COL9A1: variants seen among roughly 807,000 people sequenced by gnomAD.
COL9A1 encodes the protein collagen alpha-1(IX) chain.
Under a neutral mutation model 142.6 loss-of-function variants are expected in COL9A1, and 104 were observed. That is an observed-to-expected ratio of 0.73 (90% CI 0.62 to 0.86). The LOEUF is 0.86. COL9A1 is among the 40% of genes least tolerant of loss of function. COL9A1 has a pLI of 0.00. For missense variants in COL9A1, 1,210 were observed against 1,176.6 expected, an observed-to-expected ratio of 1.03 and a Z score of -0.42; for synonymous variants, 466 against 396.0, an observed-to-expected ratio of 1.18 and a Z score of -2.10.
At position 70,216,677 on chromosome 6, in the gene COL9A1, C is replaced by T. The variant is rs1403376889; in HGVS notation, c.*220G>A. On this transcript the variant is annotated 3_prime_UTR_variant, in exon 38 of 38. Transcript: ENST00000357250. The stretch of plus-strand genomic sequence containing the variant: ...TTCTTTTTTTTTTTTTAACTGATGA[C>T]TCTGCTGTCTTCCCTCCAAGGGAAA... 6 of 547,800 alleles carry T rather than the reference C, an allele frequency of 1.1e-5. No homozygotes were observed. The highest frequency in any genetic ancestry group is 5.9e-5 in the African/African-American group (3 of 50,920). The allele number at this position is 547,800 out of a possible 1,614,324, so 33.9% of individuals were successfully genotyped here.
At chr6:70,277,836 G>A (rs1772869545) in intron 10 of COL9A1, among the ~76,000 whole-genome samples, 1 of 152,148 alleles carries the variant, frequency 6.6e-6, no homozygotes, top group South Asian at 2.1e-4. Flanking sequence ...GACCCAAAGA[G>A]CAGAAGACGA....
At chr6:70,217,335 G>C (rs984911855) in intron 37 of COL9A1, among the ~76,000 whole-genome samples, 3 of 152,156 alleles carry the variant, frequency 2.0e-5, no homozygotes, top group Non-Finnish European at 4.4e-5. Context: ...CATCAGTAGA[G>C]CTGCACCGTG....
intron 28 of COL9A1, among the ~76,000 whole-genome samples, chr6:70,247,941 G>A (rs1175209412): frequency 6.6e-6 from 1 of 152,208 alleles, no homozygotes; most frequent in African/African-American, 2.4e-5. Flanking sequence ...CTCTGTCATT[G>A]AGGCTGTTGG....
chr6:70,234,820 C>A lies in COL9A1; in HGVS notation c.2233G>T (p.Gly745Cys). The A allele has an allele frequency of 1.2e-6, 2 of 1,614,044 alleles. No individual in the cohort carries two copies. The highest frequency in any genetic ancestry group is 1.7e-6 in the Non-Finnish European group (2 of 1,179,974). ...RGVQGEQGATGLPGVQGPPGR... is the reference protein window; with the variant it reads ...RGVQGEQGATCLPGVQGPPGR... ...GGAGGGCCCTGGACACCAGGCAGGCCGGTGGCACCCTGTTCTCCCTGCACA... is the reference window on the plus strand; with the variant it reads ...GGAGGGCCCTGGACACCAGGCAGGCAGGTGGCACCCTGTTCTCCCTGCACA... Residue 745 changes from glycine to cysteine, a missense_variant, in exon 34 of 38, where the codon GGC (glycine) becomes TGC (cysteine). Physicochemically the swap from Gly to Cys is radical, Grantham distance 159 (BLOSUM62 -3). Coordinates refer to ENST00000357250, the MANE Select transcript of COL9A1 (RefSeq NM_001851.6).
intron 13 of COL9A1, 89 bp downstream of exon 13, chr6:70,271,976 T>A: frequency 1.5e-6 from 2 of 1,323,630 alleles, no homozygotes; most frequent in Non-Finnish European, 2.2e-6. Flanking sequence ...CACCACTGAG[T>A]AGACCGTTAG....
Position 70,239,242 on chromosome 6 carries a change from C to G in COL9A1, c.2112+12G>C, listed in dbSNP as rs2127563250. 6.6e-7 allele frequency: 1 copy of G among 1,522,822 alleles called. No homozygotes were observed. Among genetic ancestry groups the G allele is most frequent in the Non-Finnish European group, 9.1e-7 (1 of 1,098,008 alleles). 94.3% of individuals were successfully genotyped at this position (1,522,822 alleles called of 1,614,324 possible). On this transcript the variant is annotated intron_variant, in intron 33 of 37. Transcript: ENST00000357250. ...TTAATTTTTTTATACCATTACTATT[C>G]ACCATACTTACAGATCCCTTTGGGC...
At chr6:70,243,932 T>C (rs536995847) in intron 28 of COL9A1, among the ~76,000 whole-genome samples, 250 of 152,286 alleles carry the variant, frequency 1.6e-3, no homozygotes, top group Non-Finnish European at 3.2e-3. Flanking sequence ...AAGGAGTCCT[T>C]TAAGTTAATT....
intron 30 of COL9A1, among the ~76,000 whole-genome samples, chr6:70,241,753 T>C (rs1770272632): frequency 6.6e-6 from 1 of 152,242 alleles, no homozygotes. Context: ...ACATTTTTAC[T>C]TTTCTCAGCT....
intron 36 of COL9A1, among the ~76,000 whole-genome samples, chr6:70,229,651 A>C (rs1002846626): frequency 6.6e-6 from 1 of 152,176 alleles, no homozygotes; most frequent in Non-Finnish European, 1.5e-5. Flanking sequence ...ACTCAAAGGG[A>C]CTTAAAATTA....
At chr6:70,274,359 T>G (rs888422221) in intron 11 of COL9A1, among the ~76,000 whole-genome samples, 12 of 152,176 alleles carry the variant, frequency 7.9e-5, no homozygotes, top group African/African-American at 2.9e-4. Context: ...CTCTCCCTCC[T>G]CCCACCCCCT....
intron 11 of COL9A1, 100 bp from the exon 12 acceptor site, chr6:70,274,182 G>A: frequency 1.1e-6 from 1 of 932,122 alleles, no homozygotes; most frequent in East Asian, 2.9e-5. Flanking sequence ...ACCCCATTAT[G>A]GTGTTTTTTT....
At chr6:70,256,222 C>T (rs1401087535) in intron 21 of COL9A1, among the ~76,000 whole-genome samples, 1 of 152,218 alleles carries the variant, frequency 6.6e-6, no homozygotes, top group Non-Finnish European at 1.5e-5. Context: ...CATTGAGTTA[C>T]TTTCTGTCTT....
chr6:70,260,965 A>T (rs1194227481), intron 19 of COL9A1: 1 of 408,144 alleles, frequency 2.5e-6, no homozygotes, highest in East Asian at 4.4e-5. Flanking sequence ...TGACAAAAAA[A>T]GTAAATACCA....
rs147088751 is a variant in COL9A1, at chr6:70,289,696, G to C, written c.696+4471C>G. Among the ~76,000 whole-genome samples, 87 of 152,162 alleles carry C rather than the reference G, an allele frequency of 5.7e-4. 1 individual carries two copies. The highest frequency in any genetic ancestry group is 5.5e-3 in the Admixed American group (84 of 15,292). On this transcript the variant is annotated intron_variant, in intron 5 of 37. Coordinates refer to ENST00000357250, the MANE Select transcript of COL9A1 (RefSeq NM_001851.6). ...TTTACTTCCAACTGAAAGAGTATTT[G>C]TAAAAGATGTACTTGTCAAAAACAA...
At chr6:70,253,285 T>A in intron 26 of COL9A1, 100 bp downstream of exon 26, 2 of 840,834 alleles carry the variant, frequency 2.4e-6, no homozygotes, top group Non-Finnish European at 3.8e-6. Flanking sequence ...GGGCCAAATA[T>A]AAAATAAAAC....
chr6:70,258,863 A>C (rs1267034107), intron 20 of COL9A1, among the ~76,000 whole-genome samples: 1 of 152,188 alleles, frequency 6.6e-6, no homozygotes, highest in Non-Finnish European at 1.5e-5. Flanking sequence ...AAGAACAGTA[A>C]TTGGTTTCAA....
Position 70,294,035 on chromosome 6 carries a change from C to T in COL9A1, c.696+132G>A, listed in dbSNP as rs149954340. The stretch of plus-strand genomic sequence containing the variant: ...GCTCCTCAAGACCAGAAGCTATCTA[C>T]TTAACTTCCTCTGATTCCAAATTCC... On this transcript the variant is annotated intron_variant, in intron 5 of 37. Transcript: ENST00000357250. 5.4e-4 allele frequency: 679 copies of T among 1,247,662 alleles called. 7 individuals are homozygous for T. In the African/African-American group the frequency reaches 8.8e-3, roughly 16 times the overall value. The allele number at this position is 1,247,662 out of a possible 1,614,324, so 77.3% of individuals were successfully genotyped here. A position where few individuals can be genotyped will look rare whatever the true frequency, so the allele number is the denominator to read the frequency against.
intron 5 of COL9A1, among the ~76,000 whole-genome samples, chr6:70,288,667 C>T (rs1773546976): frequency 6.6e-6 from 1 of 152,168 alleles, no homozygotes; most frequent in Admixed American, 6.5e-5. Flanking sequence ...ACACCTACAC[C>T]AGACCCTTTT....
intron 35 of COL9A1, among the ~76,000 whole-genome samples, chr6:70,233,252 T>C (rs1769670723): frequency 6.6e-6 from 1 of 152,250 alleles, no homozygotes; most frequent in Non-Finnish European, 1.5e-5. Context: ...TCGCCTCACA[T>C]TCTTAGTTTG....
Sources: gnomAD v4.1 joint callset for allele counts (sites outside exome capture counted in the v4.1 genomes callset) on GRCh38, gnomAD v4.1.1 for gene constraint, MANE v1.5 for transcripts, NCBI Gene and HGNC (gene_info 2026-07-23, HGNC 2026-07-21) for gene names.